The following ZNF587 variants were observed in gnomAD, a reference collection of about 807,000 sequenced individuals.
The protein encoded by ZNF587 is zinc finger protein zfp6.
In ZNF587, 8 loss-of-function variants were observed where a neutral mutation model predicts 7.5. That is an observed-to-expected ratio of 1.06 (90% CI 0.62 to 1.92). The LOEUF (loss-of-function observed/expected upper bound fraction) is 1.92. Ranked by LOEUF, ZNF587 falls within the 40% of genes most tolerant of loss-of-function variation. ZNF587 has a pLI of 0.00. For missense variants in ZNF587, 468 were observed against 692.8 expected, an observed-to-expected ratio of 0.68 and a Z score of 3.64; for synonymous variants, 145 against 237.8, an observed-to-expected ratio of 0.61 and a Z score of 3.59.
chr19:57,855,924 C>A, intron 1 of ZNF587, 180 bp from the exon 2 acceptor site: 1 of 1,087,838 alleles, frequency 9.2e-7, no homozygotes, highest in Non-Finnish European at 1.3e-6. Context: ...CCACCTACTT[C>A]TTGTTGCTGA....
intron 1 of ZNF587, chr19:57,850,777 A>C (rs1455941052): frequency 2.6e-6 from 1 of 390,346 alleles, no homozygotes; most frequent in Admixed American, 4.4e-5. Context: ...CTTTGTTCTT[A>C]TGGCTGATTG....
intron 2 of ZNF587, chr19:57,858,197 C>G: frequency 9.6e-6 from 2 of 208,896 alleles, no homozygotes; most frequent in Non-Finnish European, 1.9e-5. Flanking sequence ...GTAATCACTG[C>G]TCACTACAAA....
chr19:57,859,238 T>A lies in ZNF587; in HGVS notation c.826T>A (p.Ser276Thr). ...TTATGATTGTGGAGAGTGTGGGAAATCTTATAGTCGAAAGAGCAGCCTTAT... is the reference window on the plus strand; with the variant it reads ...TTATGATTGTGGAGAGTGTGGGAAAACTTATAGTCGAAAGAGCAGCCTTAT... ...GPYDCGECGK[S>T]YSRKSSLIQH... is the part of the protein sequence containing the mutation. The change falls in exon 3 of 3, where the codon TCT becomes ACT. Residue 276 changes from serine (S) to threonine (T), a missense_variant. Physicochemically the swap from Ser to Thr is moderately conservative, Grantham distance 58. This residue lies in a region of ZNF587 where 20 missense variants were observed against 44.9 expected (regional missense o/e 0.45). Transcript: ENST00000339656. The A allele has an allele frequency of 1.9e-6, 3 of 1,605,338 alleles. No homozygotes were observed. Among genetic ancestry groups the A allele is most frequent in the Non-Finnish European group, 2.5e-6 (3 of 1,177,080 alleles).
rs9973308 is a variant in ZNF587, at chr19:57,860,919, A to G, written c.*779A>G. The G allele has an allele frequency of 6.6e-6, 1 of 152,174 alleles. No homozygotes were observed. The highest frequency in any genetic ancestry group is 1.5e-5 in the Non-Finnish European group (1 of 68,046). 9.4% of individuals were successfully genotyped at this position (152,174 alleles called of 1,614,324 possible). ...GTCACCCAGGCGGGAGTTAGGTGGC[A>G]TGATTTCGGCTCACTGCAACCTCTG... On this transcript the variant is annotated 3_prime_UTR_variant, in exon 3 of 3. Coordinates refer to ENST00000339656, the MANE Select transcript of ZNF587 (RefSeq NM_032828.4).
chr19:57,857,628 G>A (rs1471018587), intron 2 of ZNF587, among the ~76,000 whole-genome samples: 3 of 144,554 alleles, frequency 2.1e-5, no homozygotes, highest in African/African-American at 5.7e-5. Context: ...ATATATATAT[G>A]TGTGTGTGTA....
In ZNF587 at chr19:57,861,170, A is replaced by G. The variant is rs955747666; in HGVS notation, c.*1030A>G. 6.6e-6 allele frequency: 1 copy of G among 152,174 alleles called. No individual in the cohort carries two copies. The highest frequency in any genetic ancestry group is 6.5e-5 in the Admixed American group (1 of 15,272). 9.4% of individuals were successfully genotyped at this position (152,174 alleles called of 1,614,324 possible). Reference sequence around the variant, plus strand: ...ATGTACAACTTTTTAAGCAATGCCAAACTATGACTTAAGAATGAAATTATT... The same window carrying G: ...ATGTACAACTTTTTAAGCAATGCCAGACTATGACTTAAGAATGAAATTATT... On this transcript the variant is annotated 3_prime_UTR_variant, in exon 3 of 3. Transcript: ENST00000339656.
At chr19:57,852,883 C>T (rs2071300018) in intron 1 of ZNF587, among the ~76,000 whole-genome samples, 3 of 93,992 alleles carry the variant, frequency 3.2e-5, no homozygotes, top group African/African-American at 4.5e-5. Context: ...GACGGAGTTT[C>T]ACTCTCTTGT....
At position 57,861,789 on chromosome 19, in the gene ZNF587, T is replaced by TTTTTTTTTTTTTTTTTTTTC. The variant is rs1555775628; in HGVS notation, c.*1649_*1650insTTTTTTTTTTTTTTTTTTTC. ...TTTGGTTTTCTTTTTTTTTTTTTTTTCCAGATGGAGTCTAGCTCTGTCTCC... is the reference window on the plus strand; with the variant it reads ...TTTGGTTTTCTTTTTTTTTTTTTTTTTTTTTTTTTTTTTTTTTTTCCCAGATGGAGTCTAGCTCTGTCTCC... On this transcript the variant is annotated 3_prime_UTR_variant, in exon 3 of 3. Coordinates refer to ENST00000339656, the MANE Select transcript of ZNF587 (RefSeq NM_032828.4). The TTTTTTTTTTTTTTTTTTTTC allele has an allele frequency of 2.0e-5, 3 of 148,054 alleles. No homozygotes were observed. Among genetic ancestry groups the TTTTTTTTTTTTTTTTTTTTC allele is most frequent in the African/African-American group, 7.8e-5 (3 of 38,336 alleles). 9.2% of individuals were successfully genotyped at this position (148,054 alleles called of 1,614,324 possible).
intron 1 of ZNF587, among the ~76,000 whole-genome samples, chr19:57,855,109 G>A (rs1247146720): frequency 2.0e-5 from 3 of 152,010 alleles, no homozygotes; most frequent in African/African-American, 4.8e-5. Context: ...GCCTGAACCT[G>A]GGAGGCAGAG....
chr19:57,853,235 G>A (rs2071305680), intron 1 of ZNF587, among the ~76,000 whole-genome samples: 1 of 152,224 alleles, frequency 6.6e-6, no homozygotes, highest in African/African-American at 2.4e-5. Flanking sequence ...CTTAGCAGCT[G>A]TAACCATGCA....
rs751514406 is a variant in ZNF587 at position 57,860,197 on chromosome 19, G to A, written c.*57G>A. The A allele has an allele frequency of 1.2e-6, 2 of 1,613,682 alleles. No homozygotes were observed. The highest frequency in any genetic ancestry group is 8.5e-7 in the Non-Finnish European group (1 of 1,179,660). The stretch of plus-strand genomic sequence containing the variant: ...GCATCCCGTCTCGTTAAACACAGGA[G>A]AGTTCATACTGGAGAAAGGCCTTAT... On this transcript the variant is annotated 3_prime_UTR_variant, in exon 3 of 3. Transcript: ENST00000339656.
chr19:57,858,221 G>A, intron 2 of ZNF587: 2 of 279,398 alleles, frequency 7.2e-6, no homozygotes, highest in Non-Finnish European at 1.4e-5. Context: ...CTGCCTTCTG[G>A]GTTCAAATGA....
chr19:57,849,990 C>T lies in ZNF587; in HGVS notation c.-49C>T, dbSNP rs368980517. The T allele has an allele frequency of 2.5e-6, 4 of 1,613,854 alleles. No homozygotes were observed. The highest frequency in any genetic ancestry group is 1.6e-4 in the Middle Eastern group (1 of 6,062). Reference sequence around the variant, plus strand: ...CGGTGCCCAGAGGCGGCTCTGCAGCCCCGTGACGGCGACCACTGCTCCCGG... The same window carrying T: ...CGGTGCCCAGAGGCGGCTCTGCAGCTCCGTGACGGCGACCACTGCTCCCGG... On this transcript the variant is annotated 5_prime_UTR_variant, in exon 1 of 3. Transcript: ENST00000339656.
chr19:57,856,688 G>A (rs1454614611), intron 2 of ZNF587, among the ~76,000 whole-genome samples: 3 of 151,228 alleles, frequency 2.0e-5, no homozygotes, highest in Non-Finnish European at 4.4e-5. Flanking sequence ...GATTATAGGC[G>A]TGAGCCACCA....
chr19:57,856,818 T>A (rs1257168590), intron 2 of ZNF587, among the ~76,000 whole-genome samples: 2 of 152,028 alleles, frequency 1.3e-5, no homozygotes, highest in African/African-American at 2.4e-5. Flanking sequence ...TTTGCCTGCC[T>A]CTGGCTGTCA....
rs1382820884 is a variant in ZNF587 at position 57,863,676 on chromosome 19, G to GTTTAGTGTAACAAAAGAA, written c.*3537_*3554dup. 9.9e-5 allele frequency: 15 copies of GTTTAGTGTAACAAAAGAA among 152,058 alleles called. No individual in the cohort carries two copies. Among genetic ancestry groups the GTTTAGTGTAACAAAAGAA allele is most frequent in the African/African-American group, 3.6e-4 (15 of 41,392 alleles). 9.4% of individuals were successfully genotyped at this position (152,058 alleles called of 1,614,324 possible). A position where few individuals can be genotyped will look rare whatever the true frequency, so the allele number is the denominator to read the frequency against. ...TACAAGAGTTAAGACTTCCTGTCCC[G>GTTTAGTGTAACAAAAGAA]TTTAGTGTAACAAAAGAAAGTTAAG... On this transcript the variant is annotated 3_prime_UTR_variant, in exon 3 of 3. Coordinates refer to ENST00000339656, the MANE Select transcript of ZNF587 (RefSeq NM_032828.4).
At chr19:57,852,176 A>G (rs2071289304) in intron 1 of ZNF587, 1 of 393,054 alleles carries the variant, frequency 2.5e-6, no homozygotes. Flanking sequence ...AGGACCCTGG[A>G]GAATCTCTGA....
intron 1 of ZNF587, chr19:57,850,368 T>C (rs2071266522): frequency 3.4e-6 from 2 of 593,604 alleles, no homozygotes; most frequent in African/African-American, 3.7e-5. Context: ...CTGAGCATTC[T>C]GGGATCAGAG....
At chr19:57,850,849 A>T (rs1010181098) in intron 1 of ZNF587, 1 of 314,970 alleles carries the variant, frequency 3.2e-6, no homozygotes, top group Non-Finnish European at 5.8e-6. Context: ...GAGTCATTCC[A>T]TAAGATGTAA....
Sources: gnomAD v4.1 joint callset for allele counts (sites outside exome capture counted in the v4.1 genomes callset) on GRCh38, gnomAD v4.1.1 for gene constraint, gnomAD v4.1.1 regional missense constraint, MANE v1.5 for transcripts, NCBI Gene and HGNC (gene_info 2026-07-23, HGNC 2026-07-21) for gene names.